KLF13: variants seen among roughly 807,000 people sequenced by gnomAD.
KLF13 encodes the protein KLF transcription factor 13.
In KLF13, 8 loss-of-function variants were observed where a neutral mutation model predicts 16.7. That is an observed-to-expected ratio of 0.48 (90% CI 0.28 to 0.87). The LOEUF is 0.87. KLF13 is among the 40% of genes least tolerant of loss of function. The pLI is 0.10. For missense variants in KLF13, 447 were observed against 452.2 expected (o/e 0.99, Z 0.10); for synonymous variants, 245 against 208.4 (o/e 1.18, Z -1.51).
intron 1 of KLF13, among the ~76,000 whole-genome samples, chr15:31,434,467 A>T (rs2040506854): frequency 6.6e-6 from 1 of 152,112 alleles, no homozygotes; most frequent in Admixed American, 6.5e-5. Context: ...GCTTGCCCCC[A>T]GTTGAGCCAG....
chr15:31,408,136 G>A (rs1033742096), downstream of KLF13, among the ~76,000 whole-genome samples: 1 of 152,130 alleles, frequency 6.6e-6, no homozygotes, highest in African/African-American at 2.4e-5. Context: ...GAGCAAAATT[G>A]TAAAATAGTT....
rs1400914651 is a variant in KLF13, at chr15:31,377,367, GGA to G, written c.*5070_*5071del. ...TGGGGCTGGAAAGCCTCAGCAGAAA[GGA>G]GGCACTACTGAGCAACTATGCATTG... On this transcript the variant is annotated 3_prime_UTR_variant, in exon 2 of 2. Transcript: ENST00000307145. 1 of 152,638 alleles carries G rather than the reference GGA, an allele frequency of 6.6e-6. No individual in the cohort carries two copies. The highest frequency in any genetic ancestry group is 2.4e-5 in the African/African-American group (1 of 41,446). 9.5% of individuals were successfully genotyped at this position (152,638 alleles called of 1,614,324 possible). A position where few individuals can be genotyped will look rare whatever the true frequency, so the allele number is the denominator to read the frequency against.
In KLF13 at chr15:31,372,161, C is replaced by A; in HGVS notation, c.729C>A (p.Thr243=). 1 of 1,612,714 alleles carries A rather than the reference C, an allele frequency of 6.2e-7. No homozygotes were observed. Among genetic ancestry groups the A allele is most frequent in the Admixed American group, 1.7e-5 (1 of 60,012 alleles). Reference sequence around the variant, plus strand: ...GCTTCATGCGCAGCGACCACCTGACCAAGCACGCGCGCCGCCACGCCAACT... The same window carrying A: ...GCTTCATGCGCAGCGACCACCTGACAAAGCACGCGCGCCGCCACGCCAACT... ...EKRFMRSDHL[T]KHARRHANFH... Residue 243 remains threonine, a synonymous_variant, in exon 2 of 2, where the codon ACC becomes ACA. Transcript: ENST00000307145.
intron 1 of KLF13, among the ~76,000 whole-genome samples, chr15:31,417,743 T>C (rs951732845): frequency 1.3e-5 from 2 of 152,080 alleles, no homozygotes; most frequent in East Asian, 3.9e-4. Flanking sequence ...GGTTTCATCA[T>C]ATTATATGGT....
chr15:31,405,087 T>C (rs1456197879), downstream of KLF13, among the ~76,000 whole-genome samples: 1 of 152,108 alleles, frequency 6.6e-6, no homozygotes, highest in African/African-American at 2.4e-5. Flanking sequence ...TGTGATGGTA[T>C]TAGGAGGAGG....
At chr15:31,405,342 G>A (rs930691612), downstream of KLF13, among the ~76,000 whole-genome samples, 1 of 152,172 alleles carries the variant, frequency 6.6e-6, no homozygotes. Context: ...AAAAAGAAAA[G>A]AGCTTGGAGA....
intron 1 of KLF13, among the ~76,000 whole-genome samples, chr15:31,422,469 C>T (rs2040340408): frequency 6.6e-6 from 1 of 151,930 alleles, no homozygotes; most frequent in Non-Finnish European, 1.5e-5. Context: ...AAGACTCACT[C>T]ATTACCATGA....
Position 31,375,321 on chromosome 15 carries a change from G to T in KLF13, c.*3022G>T, listed in dbSNP as rs2039625298. Reference sequence around the variant, plus strand: ...GCCTCCACTGAGGCGGGCACACAAGGCGGACCCTCCTGAAACAGCCTCCAT... The same window carrying T: ...GCCTCCACTGAGGCGGGCACACAAGTCGGACCCTCCTGAAACAGCCTCCAT... On this transcript the variant is annotated 3_prime_UTR_variant, in exon 2 of 2. Coordinates refer to ENST00000307145, the MANE Select transcript of KLF13 (RefSeq NM_015995.4). 1 of 152,222 alleles carries T rather than the reference G, an allele frequency of 6.6e-6. No homozygotes were observed. The highest frequency in any genetic ancestry group is 2.4e-5 in the African/African-American group (1 of 41,456). The allele number at this position is 152,222 out of a possible 1,614,324, so 9.4% of individuals were successfully genotyped here. A position where few individuals can be genotyped will look rare whatever the true frequency, so the allele number is the denominator to read the frequency against.
intron 1 of KLF13, among the ~76,000 whole-genome samples, chr15:31,365,452 C>A (rs774133516): frequency 6.6e-6 from 1 of 152,130 alleles, no homozygotes; most frequent in Non-Finnish European, 1.5e-5. Context: ...AGCAGGAGGC[C>A]GGCAGAAGAG....
chr15:31,428,032 C>A (rs977933883), intron 1 of KLF13, among the ~76,000 whole-genome samples: 1 of 152,114 alleles, frequency 6.6e-6, no homozygotes, highest in Non-Finnish European at 1.5e-5. Flanking sequence ...ATTATCCATT[C>A]TTTTAAAAAA....
rs191340123 is a variant in KLF13 at position 31,402,637 on chromosome 15, G to A, written n.530-791G>A. On this transcript the variant is annotated intron_variant and non_coding_transcript_variant, in intron 2 of 2. Transcript: ENST00000500533. ...GCCCCGCCATCCCACCGCCAGGAGC[G>A]GAGGAGCTGTCTCCAGCAGCAGCTG... Among the ~76,000 whole-genome samples, 49 of 152,304 alleles carry A rather than the reference G, an allele frequency of 3.2e-4. No homozygotes were observed. The East Asian group carries it at 5.4e-3, about 17-fold the overall frequency.
downstream of KLF13, among the ~76,000 whole-genome samples, chr15:31,382,142 A>G (rs2039734883): frequency 6.6e-6 from 1 of 152,196 alleles, no homozygotes; most frequent in African/African-American, 2.4e-5. Flanking sequence ...CTCACATGCC[A>G]CTGGGAAATG....
At position 31,373,872 on chromosome 15, in the gene KLF13, GCA is replaced by G. The variant is rs1054162080; in HGVS notation, c.*1579_*1580del. ...TGCGTGTGGGTGTGTGCGCGCGTGA[GCA>G]CACACGCGTGTGTTGGGGGGGGTGG... On this transcript the variant is annotated 3_prime_UTR_variant, in exon 2 of 2. Coordinates refer to ENST00000307145, the MANE Select transcript of KLF13 (RefSeq NM_015995.4). The G allele has an allele frequency of 6.6e-5, 9 of 135,734 alleles. No homozygotes were observed. Among genetic ancestry groups the G allele is most frequent in the African/African-American group, 8.1e-5 (3 of 36,956 alleles). 8.4% of individuals were successfully genotyped at this position (135,734 alleles called of 1,614,324 possible). A position where few individuals can be genotyped will look rare whatever the true frequency, so the allele number is the denominator to read the frequency against.
intron 1 of KLF13, among the ~76,000 whole-genome samples, chr15:31,348,001 C>T (rs901339522): frequency 1.2e-4 from 19 of 152,368 alleles, no homozygotes; most frequent in African/African-American, 4.3e-4. Flanking sequence ...CCTTCTTGGC[C>T]ACTCCACATG....
chr15:31,405,887 C>G (rs142055537), downstream of KLF13, among the ~76,000 whole-genome samples: 2 of 152,086 alleles, frequency 1.3e-5, no homozygotes, highest in Admixed American at 6.5e-5. Context: ...TAACAGTTGT[C>G]CCTGGAAGAA....
downstream of KLF13, among the ~76,000 whole-genome samples, chr15:31,406,677 A>C (rs564749316): frequency 6.6e-6 from 1 of 152,246 alleles, no homozygotes; most frequent in Non-Finnish European, 1.5e-5. Flanking sequence ...AGGTGTCAGC[A>C]GGACTGCATT....
At chr15:31,433,508 C>T (rs897189212) in intron 1 of KLF13, among the ~76,000 whole-genome samples, 4 of 152,200 alleles carry the variant, frequency 2.6e-5, no homozygotes, top group Admixed American at 2.6e-4. Context: ...CAGGGTCCCC[C>T]CCTTCCCCAG....
intron 1 of KLF13, among the ~76,000 whole-genome samples, chr15:31,413,206 A>AAAAAC (rs1566843740): frequency 4.8e-5 from 7 of 145,506 alleles, no homozygotes; most frequent in East Asian, 4.1e-4. Flanking sequence ...AAAAAAACAA[A>AAAAAC]AAACAAAAAA....
chr15:31,387,294 AC>A (rs2039805805), intron 1 of KLF13, among the ~76,000 whole-genome samples: 1 of 152,164 alleles, frequency 6.6e-6, no homozygotes, highest in African/African-American at 2.4e-5. Context: ...AGCCACCCAA[AC>A]CTCAGCAACC....
Sources: gnomAD v4.1 joint callset for allele counts (sites outside exome capture counted in the v4.1 genomes callset) on GRCh38, gnomAD v4.1.1 for gene constraint, MANE v1.5 for transcripts, NCBI Gene and HGNC (gene_info 2026-07-23, HGNC 2026-07-21) for gene names.